HS3ST2: variants seen among roughly 807,000 people sequenced by gnomAD.
HS3ST2 encodes heparan sulfate-glucosamine 3-sulfotransferase 2.
HS3ST2 carries 17 observed loss-of-function variants against 26.3 expected under a neutral mutation model. That is an observed-to-expected ratio of 0.65 (90% CI 0.44 to 0.97). HS3ST2 has a LOEUF of 0.97. HS3ST2 is among the 50% of genes least tolerant of loss of function. HS3ST2 has a pLI of 0.00. For synonymous variants in HS3ST2, 237 were observed against 219.2 expected (o/e 1.08, Z -0.72); for missense variants, 402 against 501.2 (o/e 0.80, Z 1.89).
chr16:22,861,050 A>T (rs577001239), intron 1 of HS3ST2, among the ~76,000 whole-genome samples: 15 of 151,824 alleles, frequency 9.9e-5, no homozygotes, highest in East Asian at 3.9e-4. Flanking sequence ...ATTTTTAAAA[A>T]TTTTTTTGTA....
chr16:22,818,726 TCCCTCCCTCCTTC>T (rs2141173105), intron 1 of HS3ST2, among the ~76,000 whole-genome samples: 3 of 46,858 alleles, frequency 6.4e-5, no homozygotes, highest in Admixed American at 4.4e-4. Flanking sequence ...CTTCCTTCCC[TCCCTCCCTCCTTC>T]CCTTCCTTCC....
At chr16:22,909,444 G>A (rs1902394130) in intron 1 of HS3ST2, among the ~76,000 whole-genome samples, 1 of 152,184 alleles carries the variant, frequency 6.6e-6, no homozygotes, top group Non-Finnish European at 1.5e-5. Flanking sequence ...AATTTAAACA[G>A]TGACATAAAG....
intron 1 of HS3ST2, among the ~76,000 whole-genome samples, chr16:22,841,582 A>G (rs1901357038): frequency 6.6e-6 from 1 of 152,196 alleles, no homozygotes; most frequent in South Asian, 2.1e-4. Context: ...ACCTTAGCAC[A>G]CTAATTCCTA....
chr16:22,892,000 C>T (rs1302170225), intron 1 of HS3ST2, among the ~76,000 whole-genome samples: 4 of 151,004 alleles, frequency 2.6e-5, no homozygotes, highest in African/African-American at 9.7e-5. Context: ...GTGGGCCGGG[C>T]GTGATGGCTC....
chr16:22,818,820 T>TCCTC (rs1160740983), intron 1 of HS3ST2, among the ~76,000 whole-genome samples: 1 of 19,732 alleles, frequency 5.1e-5, no homozygotes, highest in African/African-American at 3.1e-4. Flanking sequence ...CTTCCTTCCT[T>TCCTC]CCTTCCTTCC....
chr16:22,821,394 A>T (rs1900989366), intron 1 of HS3ST2, among the ~76,000 whole-genome samples: 1 of 151,324 alleles, frequency 6.6e-6, no homozygotes, highest in Non-Finnish European at 1.5e-5. Flanking sequence ...AACTTTGGTT[A>T]GACCTCTATG....
chr16:22,828,563 A>C (rs764520946), intron 1 of HS3ST2, among the ~76,000 whole-genome samples: 1 of 152,208 alleles, frequency 6.6e-6, no homozygotes, highest in Non-Finnish European at 1.5e-5. Context: ...GCCTCTTTGC[A>C]GTGTGTTTCT....
chr16:22,849,340 T>C (rs1901488026), intron 1 of HS3ST2, among the ~76,000 whole-genome samples: 1 of 152,156 alleles, frequency 6.6e-6, no homozygotes, highest in Non-Finnish European at 1.5e-5. Flanking sequence ...ACAGTATAAA[T>C]TAAGGGCAAA....
At chr16:22,881,336 G>A (rs536444597) in intron 1 of HS3ST2, among the ~76,000 whole-genome samples, 12 of 152,266 alleles carry the variant, frequency 7.9e-5, no homozygotes, top group African/African-American at 2.9e-4. Flanking sequence ...CTGCTGTGTG[G>A]AGCAGACATT....
At chr16:22,830,747 C>T (rs1596606714) in intron 1 of HS3ST2, among the ~76,000 whole-genome samples, 7 of 152,202 alleles carry the variant, frequency 4.6e-5, no homozygotes, top group Admixed American at 4.6e-4. Context: ...ACGTCCTTTA[C>T]AAAATCTAAC....
chr16:22,872,992 A>C (rs1412234898), intron 1 of HS3ST2, among the ~76,000 whole-genome samples: 1 of 152,226 alleles, frequency 6.6e-6, no homozygotes, highest in African/African-American at 2.4e-5. Flanking sequence ...GACCATGAAC[A>C]AGTTTCTTAA....
At chr16:22,912,229 G>A (rs1429661540) in intron 1 of HS3ST2, among the ~76,000 whole-genome samples, 1 of 152,186 alleles carries the variant, frequency 6.6e-6, no homozygotes, top group African/African-American at 2.4e-5. Flanking sequence ...AAATTTCTGA[G>A]TTAACCATTT....
intron 1 of HS3ST2, among the ~76,000 whole-genome samples, chr16:22,821,727 T>C (rs576589406): frequency 3.6e-4 from 55 of 152,232 alleles, no homozygotes; most frequent in African/African-American, 1.2e-3. Context: ...CACTTTGTTC[T>C]CCTAATGGGC....
In HS3ST2 at chr16:22,915,578, G is replaced by A; in HGVS notation, c.*16G>A. ...GTGGGAATAAGCCCACGAAAGGAAAGGGCTCTCAAGGGCTCTTCTGCTCAT... is the reference window on the plus strand; with the variant it reads ...GTGGGAATAAGCCCACGAAAGGAAAAGGCTCTCAAGGGCTCTTCTGCTCAT... On this transcript the variant is annotated 3_prime_UTR_variant, in exon 2 of 2. Transcript: ENST00000261374. 6.3e-7 allele frequency: 1 copy of A among 1,598,590 alleles called. No homozygotes were observed.
intron 1 of HS3ST2, among the ~76,000 whole-genome samples, chr16:22,818,486 C>T (rs1023906099): frequency 1.3e-5 from 2 of 152,150 alleles, no homozygotes; most frequent in African/African-American, 4.8e-5. Context: ...CTACAACACT[C>T]CTGTTATCAC....
rs2141170551 is a variant in HS3ST2, at chr16:22,814,587, C to T, written c.-24C>T. ...GCCGGTGCCCCCTCGGAAACCATGA[C>T]CCCCGGCGCGGGCCCATGGAGCCAT... On this transcript the variant is annotated 5_prime_UTR_variant, in exon 1 of 2. Transcript: ENST00000261374. 6.6e-7 allele frequency: 1 copy of T among 1,504,428 alleles called. No individual in the cohort carries two copies. The highest frequency in any genetic ancestry group is 1.2e-5 in the South Asian group (1 of 80,030). 93.2% of individuals were successfully genotyped at this position (1,504,428 alleles called of 1,614,324 possible). A position where few individuals can be genotyped will look rare whatever the true frequency, so the allele number is the denominator to read the frequency against.
At chr16:22,865,004 C>G (rs9939734) in intron 1 of HS3ST2, among the ~76,000 whole-genome samples, 26,238 of 142,772 alleles carry the variant, frequency 0.18, 4,493 homozygotes, top group African/African-American at 0.46. Context: ...TGAGCCATGA[C>G]CCTGCCACTG....
At chr16:22,905,489 A>G (rs2141745755) in intron 1 of HS3ST2, among the ~76,000 whole-genome samples, 1 of 151,148 alleles carries the variant, frequency 6.6e-6, no homozygotes, top group East Asian at 1.9e-4. Flanking sequence ...CCTTAGGGTG[A>G]AAGAGTATAG....
chr16:22,890,064 A>C (rs1902109500), intron 1 of HS3ST2, among the ~76,000 whole-genome samples: 1 of 152,192 alleles, frequency 6.6e-6, no homozygotes, highest in African/African-American at 2.4e-5. Flanking sequence ...TGTATCCTTC[A>C]TGACAATCTT....
Sources: allele counts gnomAD v4.1 joint callset (sites outside exome capture counted in the v4.1 genomes callset), GRCh38; gene constraint gnomAD v4.1.1; transcripts MANE v1.5; gene names NCBI Gene and HGNC (gene_info 2026-07-23, HGNC 2026-07-21).